The following CFAP410 variants were observed in gnomAD, a reference collection of about 807,000 sequenced individuals.
The protein encoded by CFAP410 is cilia- and flagella-associated protein 410.
Under a neutral mutation model 25.7 loss-of-function variants are expected in CFAP410, and 27 were observed. That is an observed-to-expected ratio of 1.05 (90% CI 0.77 to 1.45). The LOEUF is 1.45. Ranked by LOEUF, CFAP410 falls within the 40% of genes most tolerant of loss-of-function variation. CFAP410 has a pLI of 0.00. For missense variants in CFAP410, 428 were observed against 354.1 expected, an observed-to-expected ratio of 1.21 and a Z score of -1.67; for synonymous variants, 178 against 158.4, an observed-to-expected ratio of 1.12 and a Z score of -0.93.
In CFAP410 at chr21:44,334,523, C is replaced by CCCTCAACCTCTGGGCGGGCACGCGCA. The variant is rs2047716204; in HGVS notation, c.143+1234_143+1235insTGCGCGTGCCCGCCCAGAGGTTGAGG. ...CCTCTGGGCGGGCACGCGCACCCCC[C>CCCTCAACCTCTGGGCGGGCACGCGCA]CCCCCCCCCCGCTCAACCTCTGGGC... is the stretch of plus-strand genomic sequence containing the variant. On this transcript the variant is annotated intron_variant, in intron 3 of 6. Transcript: ENST00000339818. The CCCTCAACCTCTGGGCGGGCACGCGCA allele has an allele frequency of 2.8e-4, 49 of 177,410 alleles. 3 individuals carry two copies. In the African/African-American group the frequency reaches 3.9e-3, roughly 14 times the overall value. The allele number at this position is 177,410 out of a possible 1,614,324, so 11.0% of individuals were successfully genotyped here.
At chr21:44,336,612 G>A (rs1007227356) in intron 2 of CFAP410, among the ~76,000 whole-genome samples, 13 of 152,076 alleles carry the variant, frequency 8.5e-5, no homozygotes, top group Non-Finnish European at 5.9e-5. Context: ...GGTCAGATGC[G>A]TCCCATGTAT....
At chr21:44,335,395 T>C in intron 3 of CFAP410, 1 of 293,718 alleles carries the variant, frequency 3.4e-6, no homozygotes, top group Non-Finnish European at 6.5e-6. Context: ...GTGGCCACCG[T>C]GGGGGCGGCC....
chr21:44,333,337 G>T (rs988484468), intron 3 of CFAP410, 75 bp from the exon 4 acceptor site: 11 of 1,187,114 alleles, frequency 9.3e-6, no homozygotes, highest in African/African-American at 1.5e-5. Context: ...CCCACCCCCA[G>T]TAAAAGGCAC....
rs1443104253 is a variant in CFAP410, at chr21:44,336,214, G to A, written c.97-410C>T. ...TCTGACACCACCTTGCAGCCCAGAC[G>A]CCCCGCAGACTGAAGGAGAAATGTG... is the stretch of plus-strand genomic sequence containing the variant. On this transcript the variant is annotated intron_variant, in intron 2 of 6. Coordinates refer to ENST00000339818, the MANE Select transcript of CFAP410 (RefSeq NM_004928.3). Among the ~76,000 whole-genome samples the A allele has an allele frequency of 5.9e-5, 9 of 152,278 alleles. No individual in the cohort carries two copies. The East Asian group carries it at 1.7e-3, about 29-fold the overall frequency.
At chr21:44,330,470 C>T in intron 6 of CFAP410, 144 bp from the exon 7 acceptor site, 1 of 1,531,596 alleles carries the variant, frequency 6.5e-7, no homozygotes, top group Non-Finnish European at 8.8e-7. Flanking sequence ...GACCGGCACA[C>T]TCGGAGAATC....
In CFAP410 at chr21:44,330,885, G is replaced by A; in HGVS notation, c.580C>T (p.Pro194Ser). 1 of 1,603,058 alleles carries A rather than the reference G, an allele frequency of 6.2e-7. No individual in the cohort carries two copies. Among genetic ancestry groups the A allele is most frequent in the South Asian group, 1.1e-5 (1 of 90,024 alleles). ...AGGGAAGGAAACTGGCCCCGGGAAGGCGGCTTCAGGCCACGTTCATCCTGG... is the reference window on the plus strand; with the variant it reads ...AGGGAAGGAAACTGGCCCCGGGAAGACGGCTTCAGGCCACGTTCATCCTGG... ...GAQDERGLKP[P>S]SRGQFPSLSA... is the part of the protein sequence containing the mutation. Residue 194 changes from proline to serine, a missense_variant, in exon 6 of 7, where the codon CCT (proline) becomes TCT (serine). By Grantham distance (74) the Pro-to-Ser change is moderately conservative (BLOSUM62 -1). Coordinates refer to ENST00000339818, the MANE Select transcript of CFAP410 (RefSeq NM_004928.3).
intron 5 of CFAP410, 24 bp downstream of exon 5, chr21:44,331,819 G>A (rs1602075755): frequency 6.2e-7 from 1 of 1,603,738 alleles, no homozygotes; most frequent in East Asian, 2.2e-5. Context: ...GGGCTGCGGA[G>A]TCCCCGCTGC....
intron 2 of CFAP410, 157 bp from the exon 3 acceptor site, chr21:44,335,961 A>G (rs957782859): frequency 1.5e-5 from 9 of 604,902 alleles, no homozygotes; most frequent in Middle Eastern, 3.8e-4. Context: ...GTGAATGCCC[A>G]GGGCCTGAGG....
intron 3 of CFAP410, chr21:44,333,682 G>C (rs1336483148): frequency 2.0e-5 from 6 of 296,804 alleles, no homozygotes; most frequent in Non-Finnish European, 3.2e-5. Context: ...TGACATGGGA[G>C]TGAGCACGGA....
rs73907175 is a variant in CFAP410 at position 44,334,270 on chromosome 21, C to G, written c.144-1008G>C. The G allele has an allele frequency of 1.0e-2, 4,557 of 456,266 alleles. 204 individuals carry two copies. The highest frequency in any genetic ancestry group is 0.083 in the African/African-American group (4,160 of 50,184). The allele number at this position is 456,266 out of a possible 1,614,324, so 28.3% of individuals were successfully genotyped here. ...GATGTGACAGAAATGGCCCCACACACGAGCGGCCTGATGCTCGGAGGCCCT... is the reference window on the plus strand; with the variant it reads ...GATGTGACAGAAATGGCCCCACACAGGAGCGGCCTGATGCTCGGAGGCCCT... On this transcript the variant is annotated intron_variant, in intron 3 of 6. Transcript: ENST00000339818.
intron 3 of CFAP410, chr21:44,333,841 C>G (rs1482678876): frequency 2.8e-6 from 1 of 352,078 alleles, no homozygotes; most frequent in South Asian, 2.1e-5. Flanking sequence ...GTCCCCTCCA[C>G]AAGCGAACAC....
In CFAP410 at chr21:44,332,081, C is replaced by A. The variant is rs913108296; in HGVS notation, c.374-67G>T. 6.7e-6 allele frequency: 9 copies of A among 1,348,960 alleles called. No individual in the cohort carries two copies. In the African/African-American group the frequency reaches 1.3e-4, roughly 20 times the overall value. The allele number at this position is 1,348,960 out of a possible 1,614,324, so 83.6% of individuals were successfully genotyped here. On this transcript the variant is annotated intron_variant, in intron 4 of 6. Transcript: ENST00000339818. The stretch of plus-strand genomic sequence containing the variant: ...CACGTGCAGGCCACATGCACTGCAG[C>A]TCCCGTCCTCACTGTGGCTTCAGGC...
chr21:44,338,455 G>T, intron 1 of CFAP410: 1 of 483,316 alleles, frequency 2.1e-6, no homozygotes, highest in Non-Finnish European at 3.7e-6. Context: ...AGCCTGCCTG[G>T]GTCCCACCGC....
rs1375198699 is a variant in CFAP410, at chr21:44,330,288, C to A, written c.681G>T (p.Leu227=). 2.5e-6 allele frequency: 4 copies of A among 1,609,930 alleles called. No homozygotes were observed. Among genetic ancestry groups the A allele is most frequent in the Non-Finnish European group, 3.4e-6 (4 of 1,179,060 alleles). Residue 227 remains leucine, a synonymous_variant, in exon 7 of 7, where the codon CTG becomes CTT. Transcript: ENST00000339818. ...LTAILLLLRE[L]DAEGLEAVQQ... is the part of the protein sequence containing the mutation. ...GCACGGCCTCCAGCCCCTCTGCATCCAGCTCCCGCAGCAGCAGCAGGATGG... is the reference window on the plus strand; with the variant it reads ...GCACGGCCTCCAGCCCCTCTGCATCAAGCTCCCGCAGCAGCAGCAGGATGG...
intron 5 of CFAP410, 126 bp from the exon 6 acceptor site, chr21:44,331,045 G>A: frequency 1.1e-6 from 1 of 886,812 alleles, no homozygotes; most frequent in Non-Finnish European, 1.7e-6. Flanking sequence ...CTGGCACACG[G>A]GGGCAAGAGA....
intron 3 of CFAP410, 44 bp from the exon 4 acceptor site, chr21:44,333,306 C>T (rs1304876831): frequency 6.0e-6 from 9 of 1,493,226 alleles, no homozygotes. Flanking sequence ...TGGCCAGGGC[C>T]CCCAGGGCCA....
intron 1 of CFAP410, 30 bp from the exon 2 acceptor site, chr21:44,337,697 T>C: frequency 6.3e-7 from 1 of 1,596,904 alleles, no homozygotes; most frequent in Non-Finnish European, 8.6e-7. Flanking sequence ...ATACTTTAAT[T>C]TTGTTAAAGT....
At position 44,335,821 on chromosome 21, in the gene CFAP410, A is replaced by G. The variant is rs370014560; in HGVS notation, c.97-17T>C. On this transcript the variant is annotated splice_polypyrimidine_tract_variant and intron_variant, in intron 2 of 6. Transcript: ENST00000339818. Reference sequence around the variant, plus strand: ...AATGGAGATCTAGGAGGAAAAGAACATGACTAGCAAGCATGGCACAGCAGG... The same window carrying G: ...AATGGAGATCTAGGAGGAAAAGAACGTGACTAGCAAGCATGGCACAGCAGG... 11 of 1,578,992 alleles carry G rather than the reference A, an allele frequency of 7.0e-6. No individual in the cohort carries two copies. Among genetic ancestry groups the G allele is most frequent in the Admixed American group, 5.3e-5 (3 of 56,546 alleles).
At chr21:44,334,411 T>G in intron 3 of CFAP410, 1 of 386,416 alleles carries the variant, frequency 2.6e-6, no homozygotes, top group Non-Finnish European at 5.2e-6. Context: ...AGGTAAGCCT[T>G]TCGGAGGCAG....
Sources: gnomAD v4.1 joint callset for allele counts (sites outside exome capture counted in the v4.1 genomes callset) on GRCh38, gnomAD v4.1.1 for gene constraint, MANE v1.5 for transcripts, NCBI Gene and HGNC (gene_info 2026-07-23, HGNC 2026-07-21) for gene names.